The following UNC79 variants were observed in gnomAD, a reference collection of about 807,000 sequenced individuals.
The protein encoded by UNC79 is unc-79 subunit of NALCN channel complex, also known as protein unc-79 homolog.
In UNC79, 37 loss-of-function variants were observed where a neutral mutation model predicts 283.1. The observed-to-expected ratio is 0.13, with a 90% CI of 0.10 to 0.17. UNC79 has a LOEUF of 0.17. UNC79 is among the 10% of genes least tolerant of loss of function. The pLI is 1.00. For missense variants in UNC79, 2,272 were observed against 3,211.1 expected (o/e 0.71, Z 7.07); for synonymous variants, 1,107 against 1,200.2 (o/e 0.92, Z 1.61).
At chr14:93,687,378 G>C (rs538884205) in intron 43 of UNC79, among the ~76,000 whole-genome samples, 149 of 152,348 alleles carry the variant, frequency 9.8e-4, no homozygotes, top group African/African-American at 3.5e-3. Flanking sequence ...CTTTCCTGCT[G>C]TGATTCAACT....
chr14:93,467,787 T>A (rs1231901589), exon 2 of UNC79: 1 of 1,506,006 alleles, frequency 6.6e-7, no homozygotes, highest in African/African-American at 1.4e-5. Flanking sequence ...TCAGACCTTG[T>A]TAAGGTAAGC....
intron 12 of UNC79, 85 bp from the exon 13 acceptor site, chr14:93,540,575 C>A: frequency 1.4e-6 from 2 of 1,474,936 alleles, no homozygotes; most frequent in South Asian, 1.3e-5. Context: ...TGCTTGAGTA[C>A]TCGTGAGGTA....
chr14:93,622,121 G>C, exon 30 of UNC79: 1 of 1,614,078 alleles, frequency 6.2e-7, no homozygotes, highest in Non-Finnish European at 8.5e-7. Flanking sequence ...CTCCGACAGC[G>C]ACTCTCTTGT....
chr14:93,532,645 A>G, intron 11 of UNC79, 67 bp downstream of exon 11: 1 of 1,590,788 alleles, frequency 6.3e-7, no homozygotes, highest in Middle Eastern at 1.7e-4. Context: ...TCATTTATTG[A>G]CATCTGCCTC....
At chr14:93,580,120 G>A (rs573435982) in intron 18 of UNC79, 29 bp from the exon 19 acceptor site, 1 of 1,572,242 alleles carries the variant, frequency 6.4e-7, no homozygotes, top group Admixed American at 1.8e-5. Flanking sequence ...GTGTGTGTGT[G>A]CGTGTGTCCT....
chr14:93,364,224 C>T (rs189743898), intron 1 of UNC79, among the ~76,000 whole-genome samples: 1 of 152,140 alleles, frequency 6.6e-6, no homozygotes, highest in African/African-American at 2.4e-5. Flanking sequence ...ATTACCAAGA[C>T]CCAAAAAGAC....
chr14:93,428,999 AATAGGTTTCCAACAC>A (rs2055791113), upstream of UNC79, among the ~76,000 whole-genome samples: 2 of 152,332 alleles, frequency 1.3e-5, no homozygotes, highest in African/African-American at 4.8e-5. Context: ...ATAAAGGGAT[AATAGGTTTCCAACAC>A]ATACTTTGTC....
intron 5 of UNC79, among the ~76,000 whole-genome samples, chr14:93,492,905 C>T (rs1260286187): frequency 2.0e-5 from 3 of 152,144 alleles, no homozygotes; most frequent in African/African-American, 2.4e-5. Flanking sequence ...ACTGAGTATC[C>T]ACCATGTACT....
chr14:93,594,154 A>C (rs1243251512), intron 23 of UNC79, among the ~76,000 whole-genome samples: 1 of 152,146 alleles, frequency 6.6e-6, no homozygotes, highest in Non-Finnish European at 1.5e-5. Flanking sequence ...TCAACCTATG[A>C]GTTTACTTGC....
At chr14:93,630,452 G>C (rs1219712145) in intron 30 of UNC79, among the ~76,000 whole-genome samples, 2 of 152,214 alleles carry the variant, frequency 1.3e-5, no homozygotes, top group Admixed American at 1.3e-4. Context: ...AGGAGATAGG[G>C]ATGAACTATT....
chr14:93,498,520 G>T lies in UNC79; in HGVS notation c.898+1234G>T, dbSNP rs1264620771. 2.6e-5 allele frequency among the ~76,000 whole-genome samples: 4 copies of T among 151,934 alleles called. No individual in the cohort carries two copies. In the South Asian group the frequency reaches 6.2e-4, roughly 24 times the overall value. On this transcript the variant is annotated intron_variant, in intron 7 of 48. Transcript: ENST00000555664. ...GCAGGAGAATCACTTGAACCTAGGAGGCAGAGGCTGTGGTGAGCCGAGATC... is the reference window on the plus strand; with the variant it reads ...GCAGGAGAATCACTTGAACCTAGGATGCAGAGGCTGTGGTGAGCCGAGATC...
chr14:93,343,951 T>A (rs2053770158), intron 1 of UNC79, among the ~76,000 whole-genome samples: 1 of 151,402 alleles, frequency 6.6e-6, no homozygotes, highest in Admixed American at 6.6e-5. Flanking sequence ...GCTAGTCTTT[T>A]GTGACTTGCA....
intron 10 of UNC79, 149 bp from the exon 11 acceptor site, chr14:93,532,401 A>C (rs575662883): frequency 1.2e-6 from 1 of 867,118 alleles, no homozygotes; most frequent in East Asian, 2.8e-5. Context: ...CAAGGCGTTC[A>C]AGAGGCTGTG....
intron 43 of UNC79, among the ~76,000 whole-genome samples, chr14:93,687,336 G>T (rs1341795245): frequency 1.3e-5 from 2 of 152,142 alleles, no homozygotes; most frequent in Non-Finnish European, 2.9e-5. Flanking sequence ...TTGAGTTTTT[G>T]CAGGGTGGAA....
At chr14:93,520,222 C>T (rs953227745) in intron 7 of UNC79, among the ~76,000 whole-genome samples, 8 of 151,842 alleles carry the variant, frequency 5.3e-5, no homozygotes, top group South Asian at 4.1e-4. Flanking sequence ...TTAAAGATGT[C>T]GTTCCATTGT....
At chr14:93,345,337 G>A (rs2053801550) in intron 1 of UNC79, among the ~76,000 whole-genome samples, 1 of 152,150 alleles carries the variant, frequency 6.6e-6, no homozygotes, top group South Asian at 2.1e-4. Context: ...TAACTGACCT[G>A]CTTCTTCATA....
At chr14:93,587,418 A>G (rs1481392004) in intron 22 of UNC79, among the ~76,000 whole-genome samples, 3 of 152,216 alleles carry the variant, frequency 2.0e-5, no homozygotes, top group Non-Finnish European at 4.4e-5. Flanking sequence ...TAACTTTTGC[A>G]ATCTTCCTGG....
Position 93,603,089 on chromosome 14 carries a change from G to C in UNC79, c.3575-150G>C, listed in dbSNP as rs1275203679. The C allele has an allele frequency of 1.7e-5, 14 of 806,404 alleles. No homozygotes were observed. In the East Asian group the frequency reaches 3.5e-4, roughly 20 times the overall value. 50.0% of individuals were successfully genotyped at this position (806,404 alleles called of 1,614,324 possible). ...ATCATGATAGGCAATAGTTATTTTT[G>C]TATGTAGGACTCATCATAGAGGGAG... On this transcript the variant is annotated intron_variant, in intron 25 of 48. Transcript: ENST00000555664.
chr14:93,600,914 A>G, intron 25 of UNC79, 144 bp downstream of exon 25: 1 of 848,984 alleles, frequency 1.2e-6, no homozygotes. Context: ...TGATTATTGA[A>G]TAGCTGCTGT....
Sources: gnomAD v4.1 joint callset for allele counts (sites outside exome capture counted in the v4.1 genomes callset) on GRCh38, gnomAD v4.1.1 for gene constraint, MANE v1.5 for transcripts, NCBI Gene and HGNC (gene_info 2026-07-23, HGNC 2026-07-21) for gene names.